GPR158: variants seen among roughly 807,000 people sequenced by gnomAD.
GPR158 encodes the protein metabotropic glycine receptor.
In GPR158, 30 loss-of-function variants were observed where a neutral mutation model predicts 78.2. That is an observed-to-expected ratio of 0.38 (90% confidence interval 0.29 to 0.52). The LOEUF is 0.52. GPR158 is among the 20% of genes least tolerant of loss of function. GPR158 has a pLI of 0.83. For missense variants in GPR158, 1,463 were observed against 1,523.5 expected, an observed-to-expected ratio of 0.96 and a Z score of 0.66; for synonymous variants, 581 against 591.1, an observed-to-expected ratio of 0.98 and a Z score of 0.25.
At chr10:25,196,682 A>T (rs559151705) in intron 1 of GPR158, among the ~76,000 whole-genome samples, 1 of 152,134 alleles carries the variant, frequency 6.6e-6, no homozygotes, top group Non-Finnish European at 1.5e-5. Context: ...CCCACCCTGG[A>T]CCTTTACTCT....
At chr10:25,494,892 C>T (rs2130651408) in intron 5 of GPR158, among the ~76,000 whole-genome samples, 1 of 152,214 alleles carries the variant, frequency 6.6e-6, no homozygotes, top group East Asian at 1.9e-4. Flanking sequence ...GTCATTTATT[C>T]ATCATAGCCT....
intron 2 of GPR158, among the ~76,000 whole-genome samples, chr10:25,305,084 A>G (rs1274832361): frequency 6.6e-6 from 1 of 152,186 alleles, no homozygotes; most frequent in Non-Finnish European, 1.5e-5. Flanking sequence ...GCACAGTTTG[A>G]AAATAATCAT....
At chr10:25,248,389 C>T (rs1853734073) in intron 2 of GPR158, among the ~76,000 whole-genome samples, 2 of 152,118 alleles carry the variant, frequency 1.3e-5, no homozygotes, top group African/African-American at 2.4e-5. Flanking sequence ...GGTCCTTGCC[C>T]ATGCCTATGT....
intron 4 of GPR158, among the ~76,000 whole-genome samples, chr10:25,423,567 G>C (rs1834782863): frequency 6.6e-6 from 1 of 152,058 alleles, no homozygotes; most frequent in Non-Finnish European, 1.5e-5. Context: ...CCCAGTGTGT[G>C]ATGTTTGCTG....
chr10:25,388,423 C>T (rs149788969), intron 2 of GPR158, among the ~76,000 whole-genome samples: 22 of 152,340 alleles, frequency 1.4e-4, no homozygotes, highest in African/African-American at 3.8e-4. Context: ...CTGCTGTGGC[C>T]TTAACCTTGC....
intron 2 of GPR158, among the ~76,000 whole-genome samples, chr10:25,361,598 G>T (rs908888091): frequency 2.0e-5 from 3 of 151,794 alleles, no homozygotes; most frequent in Non-Finnish European, 4.4e-5. Flanking sequence ...ACAAACATTT[G>T]TTATTTTCTG....
intron 4 of GPR158, among the ~76,000 whole-genome samples, chr10:25,424,191 T>C (rs1304175455): frequency 2.6e-5 from 4 of 152,220 alleles, no homozygotes; most frequent in Non-Finnish European, 2.9e-5. Context: ...TTTTGAGAAG[T>C]GTCTGTTCAT....
chr10:25,343,844 G>A (rs1588811699), intron 2 of GPR158, among the ~76,000 whole-genome samples: 1 of 151,934 alleles, frequency 6.6e-6, no homozygotes, highest in Non-Finnish European at 1.5e-5. Flanking sequence ...ACTTAGAATT[G>A]TCAACATATA....
chr10:25,363,039 T>C lies in GPR158; in HGVS notation c.1009-32872T>C, dbSNP rs530545658. 2.6e-5 allele frequency among the ~76,000 whole-genome samples: 4 copies of C among 152,006 alleles called. 1 individual carries two copies. The highest frequency in any genetic ancestry group is 9.6e-5 in the African/African-American group (4 of 41,528). On this transcript the variant is annotated intron_variant, in intron 2 of 10. Transcript: ENST00000376351. ...TACATCATTTTTTTCTGCTACCTCT[T>C]CCATTTGATTGTAGTCTCTTTAAGC...
At chr10:25,565,936 G>A (rs1836923688) in intron 6 of GPR158, among the ~76,000 whole-genome samples, 1 of 152,138 alleles carries the variant, frequency 6.6e-6, no homozygotes, top group Non-Finnish European at 1.5e-5. Flanking sequence ...TTATACAATT[G>A]CCTTTTAAAC....
At chr10:25,379,198 G>A (rs372442569) in intron 2 of GPR158, among the ~76,000 whole-genome samples, 10 of 151,968 alleles carry the variant, frequency 6.6e-5, no homozygotes, top group Non-Finnish European at 1.3e-4. Context: ...AGATTTACTC[G>A]CATATTTACT....
At chr10:25,254,401 G>GA (rs1214929200) in intron 2 of GPR158, among the ~76,000 whole-genome samples, 1 of 152,048 alleles carries the variant, frequency 6.6e-6, no homozygotes, top group African/African-American at 2.4e-5. Flanking sequence ...CTTATCACCT[G>GA]AAAAAACATA....
At chr10:25,286,460 T>G (rs1374857345) in intron 2 of GPR158, among the ~76,000 whole-genome samples, 1 of 152,188 alleles carries the variant, frequency 6.6e-6, no homozygotes, top group Non-Finnish European at 1.5e-5. Context: ...ATCTTTTTAC[T>G]GAAATTACTC....
chr10:25,383,367 C>T lies in GPR158; in HGVS notation c.1009-12544C>T, dbSNP rs1044827506. Among the ~76,000 whole-genome samples, 9 of 152,180 alleles carry T rather than the reference C, an allele frequency of 5.9e-5. 1 individual carries two copies. Among genetic ancestry groups the T allele is most frequent in the Admixed American group, 3.9e-4 (6 of 15,284 alleles). ...AACTTGCTGGAATTAGATAAGTCTC[C>T]GGTCAAAACAAAGGAGAGCTATGCA... On this transcript the variant is annotated intron_variant, in intron 2 of 10. Transcript: ENST00000376351.
intron 4 of GPR158, among the ~76,000 whole-genome samples, chr10:25,425,910 T>G (rs538525694): frequency 7.2e-4 from 110 of 152,154 alleles, no homozygotes; most frequent in Admixed American, 9.8e-4. Context: ...TCCTTCAGCT[T>G]TCAGCAGTTT....
rs139444829 is a variant in GPR158 at position 25,296,668 on chromosome 10, A to C, written c.1008+75511A>C. 2.6e-4 allele frequency among the ~76,000 whole-genome samples: 40 copies of C among 151,918 alleles called. 1 individual carries two copies. The highest frequency in any genetic ancestry group is 9.5e-4 in the African/African-American group (39 of 41,176). On this transcript the variant is annotated intron_variant, in intron 2 of 10. Coordinates refer to ENST00000376351, the MANE Select transcript of GPR158 (RefSeq NM_020752.3). ...CTAACATGTATTAAGTGTTTACAAC[A>C]TGCCAGATGTGATTCTAAGTGCTTT...
intron 2 of GPR158, among the ~76,000 whole-genome samples, chr10:25,341,668 T>A (rs956242840): frequency 8.6e-5 from 13 of 151,940 alleles, no homozygotes; most frequent in African/African-American, 3.1e-4. Flanking sequence ...CTTTTTGGCA[T>A]AAGCAAATCA....
intron 5 of GPR158, among the ~76,000 whole-genome samples, chr10:25,476,234 A>G (rs1835581612): frequency 6.6e-6 from 1 of 152,182 alleles, no homozygotes; most frequent in Non-Finnish European, 1.5e-5. Context: ...AAAAGAAAGA[A>G]AAGAGAATTT....
chr10:25,388,705 G>A (rs1234290307), intron 2 of GPR158, among the ~76,000 whole-genome samples: 5 of 152,242 alleles, frequency 3.3e-5, no homozygotes, highest in Non-Finnish European at 7.3e-5. Flanking sequence ...TGGGAGCTGG[G>A]AGCAGGCAAG....
Sources: gnomAD v4.1 joint callset for allele counts (sites outside exome capture counted in the v4.1 genomes callset) on GRCh38, gnomAD v4.1.1 for gene constraint, MANE v1.5 for transcripts, NCBI Gene and HGNC (gene_info 2026-07-23, HGNC 2026-07-21) for gene names.